The following FAM3D variants were observed in gnomAD, a reference collection of about 807,000 sequenced individuals.
FAM3D encodes FAM3 metabolism regulating signaling molecule D, also known as protein FAM3D.
In FAM3D, 26 loss-of-function variants were observed where a neutral mutation model predicts 29.8. That is an observed-to-expected ratio of 0.87 (90% CI 0.64 to 1.21). The LOEUF is 1.21. Among genes scored for constraint, FAM3D ranks in the 50% most tolerant of loss-of-function variants. FAM3D has a pLI of 0.00. For missense variants in FAM3D, 253 were observed against 290.9 expected, an observed-to-expected ratio of 0.87 and a Z score of 0.95; for synonymous variants, 115 against 102.3, an observed-to-expected ratio of 1.12 and a Z score of -0.75.
At chr3:58,664,263 A>G (rs1036663629) in intron 1 of FAM3D, among the ~76,000 whole-genome samples, 1 of 152,186 alleles carries the variant, frequency 6.6e-6, no homozygotes, top group Non-Finnish European at 1.5e-5. Context: ...AACCCTCCAT[A>G]TGCGTTGCCC....
rs34638601 is a variant in FAM3D, at chr3:58,652,374, CCATT to C, written c.121+1296_121+1299del. 9.8e-4 allele frequency among the ~76,000 whole-genome samples: 148 copies of C among 150,666 alleles called. 1 individual carries two copies. The highest frequency in any genetic ancestry group is 2.8e-3 in the African/African-American group (116 of 40,954). ...ATCCAGCATCCTTCCACCTGTCCAT[CCATT>C]CATTCATTCATTCATTCATCTATCC... On this transcript the variant is annotated intron_variant, in intron 3 of 9. Transcript: ENST00000358781.
chr3:58,660,259 G>A (rs936861746), intron 1 of FAM3D, among the ~76,000 whole-genome samples: 3 of 152,152 alleles, frequency 2.0e-5, no homozygotes, highest in Admixed American at 6.5e-5. Context: ...GTGAGTCAGG[G>A]CACTGCCATG....
At chr3:58,658,393 C>T (rs1372706645) in intron 1 of FAM3D, among the ~76,000 whole-genome samples, 1 of 152,194 alleles carries the variant, frequency 6.6e-6, no homozygotes, top group African/African-American at 2.4e-5. Context: ...TTGTGGAGCT[C>T]ATTTCCAAAG....
intron 5 of FAM3D, 58 bp from the exon 6 acceptor site, chr3:58,643,778 G>A: frequency 1.3e-6 from 2 of 1,532,368 alleles, no homozygotes; most frequent in Admixed American, 1.7e-5. Flanking sequence ...TGAACACTCT[G>A]CTCTCCCAGC....
At chr3:58,646,812 C>T (rs971034761) in intron 4 of FAM3D, among the ~76,000 whole-genome samples, 21 of 152,200 alleles carry the variant, frequency 1.4e-4, no homozygotes, top group Non-Finnish European at 2.4e-4. Context: ...ATTGACTCAT[C>T]CTGAAAACTC....
intron 1 of FAM3D, among the ~76,000 whole-genome samples, chr3:58,664,532 C>A (rs1359594359): frequency 2.0e-5 from 3 of 152,236 alleles, no homozygotes; most frequent in African/African-American, 7.2e-5. Flanking sequence ...ATGGTAGATG[C>A]TTTGCACACA....
intron 1 of FAM3D, among the ~76,000 whole-genome samples, chr3:58,662,170 CT>C (rs372561287): frequency 5.4e-4 from 82 of 152,326 alleles, no homozygotes; most frequent in African/African-American, 1.9e-3. Flanking sequence ...GGTTCACCCC[CT>C]GGCCCCTGCA....
At chr3:58,649,483 C>T (rs2066569538) in intron 3 of FAM3D, 145 bp from the exon 4 acceptor site, 1 of 816,480 alleles carries the variant, frequency 1.2e-6, no homozygotes, top group Non-Finnish European at 2.0e-6. Flanking sequence ...TTGCCACTGT[C>T]ACCCCTTCAC....
At chr3:58,665,437 C>T (rs1210065804) in intron 1 of FAM3D, among the ~76,000 whole-genome samples, 3 of 152,268 alleles carry the variant, frequency 2.0e-5, no homozygotes, top group South Asian at 2.1e-4. Flanking sequence ...TCTGCCCTGA[C>T]TCCCAGGCTA....
intron 1 of FAM3D, among the ~76,000 whole-genome samples, chr3:58,666,228 G>A (rs539026806): frequency 2.0e-5 from 3 of 152,252 alleles, no homozygotes; most frequent in Non-Finnish European, 4.4e-5. Context: ...TGCAGTGTGG[G>A]TTATCAAATC....
chr3:58,649,659 C>T (rs2066576825), intron 3 of FAM3D, among the ~76,000 whole-genome samples: 1 of 152,048 alleles, frequency 6.6e-6, no homozygotes, highest in African/African-American at 2.4e-5. Flanking sequence ...TGTGTGCACA[C>T]ACAGACGTGT....
At chr3:58,649,269 T>C in intron 4 of FAM3D, 46 bp downstream of exon 4, 1 of 1,591,864 alleles carries the variant, frequency 6.3e-7, no homozygotes, top group Non-Finnish European at 8.6e-7. Context: ...GAGCAGGGGG[T>C]GAGTGGATGA....
intron 7 of FAM3D, among the ~76,000 whole-genome samples, chr3:58,637,640 G>A (rs1034700490): frequency 2.0e-5 from 3 of 152,114 alleles, no homozygotes; most frequent in Non-Finnish European, 4.4e-5. Context: ...CAGATTATCT[G>A]TGCTGACTTT....
At chr3:58,641,669 G>A (rs1559497692) in intron 6 of FAM3D, among the ~76,000 whole-genome samples, 1 of 152,188 alleles carries the variant, frequency 6.6e-6, no homozygotes, top group South Asian at 2.1e-4. Flanking sequence ...CACCCAGCCT[G>A]CTTAACCTCT....
chr3:58,636,215 G>C, intron 9 of FAM3D, 79 bp downstream of exon 9: 1 of 1,552,454 alleles, frequency 6.4e-7, no homozygotes, highest in Non-Finnish European at 8.7e-7. Flanking sequence ...CCCCTGGGAG[G>C]TGAATGGGTG....
rs1410157088 is a variant in FAM3D, at chr3:58,635,272, G to A, written c.586-904C>T. Among the ~76,000 whole-genome samples the A allele has an allele frequency of 9.2e-5, 14 of 152,130 alleles. No homozygotes were observed. The highest frequency in any genetic ancestry group is 1.5e-4 in the Non-Finnish European group (10 of 68,028). On this transcript the variant is annotated intron_variant, in intron 9 of 9. Coordinates refer to ENST00000358781, the MANE Select transcript of FAM3D (RefSeq NM_138805.3). This position sits in a 1 kb window ranked among gnomAD's most constrained non-coding sequence, Gnocchi z 5.2. ...GGTTTGGATTATGAAAGAAAAAAAC[G>A]TAAATGGCAAAATCTGCTGTTGGAA... is the stretch of plus-strand genomic sequence containing the variant.
chr3:58,645,703 C>G, intron 4 of FAM3D, 77 bp from the exon 5 acceptor site: 1 of 1,198,212 alleles, frequency 8.3e-7, no homozygotes, highest in Non-Finnish European at 1.2e-6. Flanking sequence ...AGGGCCAGGG[C>G]TAGGGCCAGG....
intron 3 of FAM3D, 53 bp from the exon 4 acceptor site, chr3:58,649,391 A>G: frequency 6.6e-7 from 1 of 1,516,358 alleles, no homozygotes; most frequent in Non-Finnish European, 9.0e-7. Context: ...ACCCTCCTGC[A>G]GGATGGAGGT....
Position 58,635,169 on chromosome 3 carries a change from T to C in FAM3D, c.586-801A>G, listed in dbSNP as rs2066127314. 6.6e-6 allele frequency among the ~76,000 whole-genome samples: 1 copy of C among 152,160 alleles called. No individual in the cohort carries two copies. The highest frequency in any genetic ancestry group is 1.5e-5 in the Non-Finnish European group (1 of 68,042). ...CAGCCTAGGTGACAGAGCGAGACCC[T>C]ATCTCTAAAATATATATATACTAGT... On this transcript the variant is annotated intron_variant, in intron 9 of 9. Coordinates refer to ENST00000358781, the MANE Select transcript of FAM3D (RefSeq NM_138805.3). The surrounding 1 kb of genome is among the most constrained non-coding windows in gnomAD (Gnocchi z 5.2).
Sources: allele counts gnomAD v4.1 joint callset (sites outside exome capture counted in the v4.1 genomes callset), GRCh38; gene constraint gnomAD v4.1.1; non-coding constraint Gnocchi (gnomAD v3.1); transcripts MANE v1.5; gene names NCBI Gene and HGNC (gene_info 2026-07-23, HGNC 2026-07-21).